The following PDE11A variants were observed in gnomAD, a reference collection of about 807,000 sequenced individuals.
The protein encoded by PDE11A is phosphodiesterase 11A.
Under a neutral mutation model 100.5 loss-of-function variants are expected in PDE11A, and 100 were observed. That is an observed-to-expected ratio of 1.00 (90% CI 0.85 to 1.18). The LOEUF is 1.18. Among genes scored for constraint, PDE11A ranks in the 50% most tolerant of loss-of-function variants. PDE11A has a pLI of 0.00. For missense variants in PDE11A, 1,141 were observed against 1,152.6 expected (o/e 0.99, Z 0.15); for synonymous variants, 381 against 420.8 (o/e 0.91, Z 1.16).
chr2:177,724,628 G>A (rs780237889), intron 12 of PDE11A, among the ~76,000 whole-genome samples: 1 of 152,126 alleles, frequency 6.6e-6, no homozygotes, highest in Non-Finnish European at 1.5e-5. Context: ...CACTTTAACA[G>A]CACGGTATGC....
At chr2:177,970,720 T>C (rs898364694) in intron 2 of PDE11A, among the ~76,000 whole-genome samples, 2 of 152,012 alleles carry the variant, frequency 1.3e-5, no homozygotes, top group Non-Finnish European at 2.9e-5. Flanking sequence ...TCCCAAGAGA[T>C]AGACTGTAGA....
chr2:178,065,088 A>C (rs1366608590), intron 1 of PDE11A, among the ~76,000 whole-genome samples: 1 of 152,196 alleles, frequency 6.6e-6, no homozygotes, highest in Non-Finnish European at 1.5e-5. Context: ...ATGACCAGGA[A>C]CTGAAACTTC....
intron 4 of PDE11A, among the ~76,000 whole-genome samples, chr2:177,883,316 T>A (rs2084377437): frequency 6.6e-6 from 1 of 152,038 alleles, no homozygotes; most frequent in Non-Finnish European, 1.5e-5. Flanking sequence ...TCTCTTACTA[T>A]GCTTCTTAAT....
chr2:177,941,535 A>G (rs1162988254), intron 2 of PDE11A, among the ~76,000 whole-genome samples: 1 of 152,178 alleles, frequency 6.6e-6, no homozygotes, highest in Admixed American at 6.5e-5. Flanking sequence ...GGTAATTTAA[A>G]AAGCACCTTA....
rs1436015172 is a variant in PDE11A at position 177,629,455 on chromosome 2, G to A, written c.2754C>T (p.Ala918=). The stretch of plus-strand genomic sequence containing the variant: ...CCATAACACTGGCAGGGGAGGATGA[G>A]GCAGTTGAGGCCAGCAGTCGTTTTT... ...LHQKRLLAST[A]SSSPASVMVA... The change falls in exon 20 of 20, where the codon GCC becomes GCT. Residue 918 remains alanine (A), a synonymous_variant. Transcript: ENST00000286063. 6.6e-6 allele frequency: 10 copies of A among 1,522,916 alleles called. No individual in the cohort carries two copies. Among genetic ancestry groups the A allele is most frequent in the Non-Finnish European group, 9.1e-6 (10 of 1,098,506 alleles). 94.3% of individuals were successfully genotyped at this position (1,522,916 alleles called of 1,614,324 possible).
At chr2:177,802,184 TA>T (rs2082804293) in intron 9 of PDE11A, among the ~76,000 whole-genome samples, 1 of 152,086 alleles carries the variant, frequency 6.6e-6, no homozygotes, top group Non-Finnish European at 1.5e-5. Flanking sequence ...CCAGAATGAC[TA>T]AAATTAAAAT....
At chr2:177,845,332 T>A (rs370440278) in intron 5 of PDE11A, among the ~76,000 whole-genome samples, 3,807 of 111,528 alleles carry the variant, frequency 0.034, 97 homozygotes, top group East Asian at 0.095. Flanking sequence ...CCGGGCAGAG[T>A]CGCTCCTCAC....
intron 1 of PDE11A, among the ~76,000 whole-genome samples, chr2:178,069,478 G>C (rs1285232185): frequency 1.3e-5 from 2 of 152,124 alleles, no homozygotes; most frequent in African/African-American, 4.8e-5. Context: ...GGTAAACCAA[G>C]GGTAAATTCC....
chr2:177,681,548 A>G lies in PDE11A; in HGVS notation c.2346-645T>C, dbSNP rs551613423. On this transcript the variant is annotated intron_variant, in intron 15 of 19. Transcript: ENST00000286063. ...GCTAACTCACAGAGTTACTGTGAGG[A>G]TTAAATGAATGACATGTGGAAAGCA... 3.0e-4 allele frequency among the ~76,000 whole-genome samples: 46 copies of G among 152,346 alleles called. 1 individual carries two copies. Among genetic ancestry groups the G allele is most frequent in the African/African-American group, 1.1e-3 (44 of 41,580 alleles).
In PDE11A at chr2:177,888,957, T is replaced by C. The variant is rs115296639; in HGVS notation, c.1302+9101A>G. Reference sequence around the variant, plus strand: ...GTATCTACAAGTATATGCTCCACTGTTTTTAGCCTTACTTCGATATTTAAA... The same window carrying C: ...GTATCTACAAGTATATGCTCCACTGCTTTTAGCCTTACTTCGATATTTAAA... On this transcript the variant is annotated intron_variant, in intron 4 of 19. Transcript: ENST00000286063. Among the ~76,000 whole-genome samples, 1,209 of 152,244 alleles carry C rather than the reference T, an allele frequency of 7.9e-3. 19 individuals are homozygous for C. Among genetic ancestry groups the C allele is most frequent in the African/African-American group, 0.027 (1,119 of 41,540 alleles).
At chr2:178,054,071 G>A (rs2086866074) in intron 1 of PDE11A, among the ~76,000 whole-genome samples, 1 of 152,144 alleles carries the variant, frequency 6.6e-6, no homozygotes, top group Admixed American at 6.5e-5. Flanking sequence ...TAAGCCAAAA[G>A]AACAAAGCTG....
chr2:178,016,198 G>T (rs1316494670), intron 1 of PDE11A, among the ~76,000 whole-genome samples: 1 of 145,086 alleles, frequency 6.9e-6, no homozygotes, highest in African/African-American at 2.6e-5. Context: ...GGCCAAGGTG[G>T]TCTCGAACTC....
intron 2 of PDE11A, among the ~76,000 whole-genome samples, chr2:177,963,369 G>T (rs2085659330): frequency 6.6e-6 from 1 of 151,934 alleles, no homozygotes; most frequent in Non-Finnish European, 1.5e-5. Context: ...TATGCATTAT[G>T]ATATGGTGAC....
chr2:177,922,138 T>C (rs2085059394), intron 2 of PDE11A, among the ~76,000 whole-genome samples: 1 of 152,162 alleles, frequency 6.6e-6, no homozygotes, highest in Non-Finnish European at 1.5e-5. Flanking sequence ...CTCCTCTCTT[T>C]CTAAAAAATC....
intron 2 of PDE11A, among the ~76,000 whole-genome samples, chr2:177,956,363 C>T (rs1364653718): frequency 6.6e-6 from 1 of 152,060 alleles, no homozygotes; most frequent in South Asian, 2.1e-4. Flanking sequence ...CAATGAGATA[C>T]CATCTCACAC....
chr2:178,005,511 G>A (rs962682214), intron 2 of PDE11A, among the ~76,000 whole-genome samples: 12 of 152,100 alleles, frequency 7.9e-5, no homozygotes, highest in African/African-American at 2.7e-4. Flanking sequence ...TCACTACTTG[G>A]AATTACATTA....
At chr2:178,097,754 A>G (rs2087513583) in intron 2 of PDE11A, among the ~76,000 whole-genome samples, 1 of 152,240 alleles carries the variant, frequency 6.6e-6, no homozygotes, top group African/African-American at 2.4e-5. Context: ...AAATAGTTTT[A>G]AATGATCACT....
Position 177,826,480 on chromosome 2 carries a change from T to C in PDE11A, c.1501-6185A>G, listed in dbSNP as rs115817867. 9.0e-3 allele frequency among the ~76,000 whole-genome samples: 1,371 copies of C among 152,350 alleles called. 13 individuals carry two copies. The highest frequency in any genetic ancestry group is 0.059 in the East Asian group (306 of 5,184). On this transcript the variant is annotated intron_variant, in intron 6 of 19. Coordinates refer to ENST00000286063, the MANE Select transcript of PDE11A (RefSeq NM_016953.4). ...TAACCAGACAAGCTGAGGGAGCCAATGTTCCCAGTCAGTCCCTTGATTTCC... is the reference window on the plus strand; with the variant it reads ...TAACCAGACAAGCTGAGGGAGCCAACGTTCCCAGTCAGTCCCTTGATTTCC...
At chr2:178,087,050 A>AT (rs2087366315) in intron 2 of PDE11A, among the ~76,000 whole-genome samples, 1 of 152,154 alleles carries the variant, frequency 6.6e-6, no homozygotes, top group Admixed American at 6.5e-5. Context: ...GATAAAGAAA[A>AT]TGTCAGCTGG....
Sources: allele counts gnomAD v4.1 joint callset (sites outside exome capture counted in the v4.1 genomes callset), GRCh38; gene constraint gnomAD v4.1.1; transcripts MANE v1.5; gene names NCBI Gene and HGNC (gene_info 2026-07-23, HGNC 2026-07-21).